The following NGEF variants were observed in gnomAD, a reference collection of about 807,000 sequenced individuals.
NGEF encodes ephexin-1.
Under a neutral mutation model 80.9 loss-of-function variants are expected in NGEF, and 31 were observed. The ratio of observed to expected loss-of-function variants is 0.38; its 90% CI spans 0.29 to 0.52. The LOEUF (loss-of-function observed/expected upper bound fraction) is 0.52. Among genes scored for constraint, NGEF ranks in the 20% least tolerant of loss-of-function variants. The pLI is 0.84. For synonymous variants in NGEF, 371 were observed against 370.2 expected (o/e 1.00, Z -0.03); for missense variants, 709 against 926.2 (o/e 0.77, Z 3.04).
At chr2:232,988,036 C>CCTGT (rs1553558805) in intron 1 of NGEF, among the ~76,000 whole-genome samples, 25,407 of 140,174 alleles carry the variant, frequency 0.18, 3,080 homozygotes, top group East Asian at 0.33. Flanking sequence ...GGGATGGTCT[C>CCTGT]GTGTGTGTGT....
intron 1 of NGEF, among the ~76,000 whole-genome samples, chr2:232,988,036 C>CGTGTGTGTGTGT (rs57143286): frequency 2.1e-4 from 30 of 140,352 alleles, no homozygotes; most frequent in African/African-American, 6.8e-4. Context: ...GGGATGGTCT[C>CGTGTGTGTGTGT]GTGTGTGTGT....
At chr2:232,992,868 T>C (rs936763289) in intron 1 of NGEF, among the ~76,000 whole-genome samples, 2 of 150,776 alleles carry the variant, frequency 1.3e-5, no homozygotes, top group Non-Finnish European at 2.9e-5. Context: ...ACACCTGTAG[T>C]TGCAGCTATT....
intron 11 of NGEF, 36 bp downstream of exon 11, chr2:232,883,945 C>T (rs939370575): frequency 1.3e-6 from 2 of 1,573,798 alleles, no homozygotes; most frequent in Non-Finnish European, 1.7e-6. Context: ...ACTCCTCTAC[C>T]CACCGGAGCG....
At position 232,910,343 on chromosome 2, in the gene NGEF, T is replaced by C. The variant is rs181886538; in HGVS notation, c.828+9941A>G. 2.3e-3 allele frequency among the ~76,000 whole-genome samples: 345 copies of C among 152,144 alleles called. 8 individuals carry two copies. Among genetic ancestry groups the C allele is most frequent in the Non-Finnish European group, 3.4e-4 (23 of 67,996 alleles). ...GAGCGCACAACCTAGATCCCTCGCA[T>C]GTGCAGTTCACAGTAGGGTTCTCAC... On this transcript the variant is annotated intron_variant, in intron 5 of 14. Coordinates refer to ENST00000264051, the MANE Select transcript of NGEF (RefSeq NM_019850.3).
chr2:232,897,309 T>C (rs932216657), intron 5 of NGEF, among the ~76,000 whole-genome samples: 2 of 151,808 alleles, frequency 1.3e-5, no homozygotes, highest in Non-Finnish European at 2.9e-5. Flanking sequence ...CAGTGGGCCC[T>C]GGAGTGGTGG....
rs942073950 is a variant in NGEF, at chr2:232,973,242, G to T, written c.268+1381C>A. On this transcript the variant is annotated intron_variant, in intron 2 of 14. Transcript: ENST00000264051. The stretch of plus-strand genomic sequence containing the variant: ...CAAAGGCAGAGACCCCAGCTTCCTC[G>T]TGTGTGAGAATGTGCTTTTAACTTT... Among the ~76,000 whole-genome samples, 4 of 152,160 alleles carry T rather than the reference G, an allele frequency of 2.6e-5. No individual in the cohort carries two copies. The East Asian group carries it at 7.7e-4, about 29-fold the overall frequency.
intron 3 of NGEF, among the ~76,000 whole-genome samples, chr2:232,933,110 A>AT (rs1693250463): frequency 1.6e-5 from 2 of 127,964 alleles, no homozygotes; most frequent in Non-Finnish European, 3.3e-5. Context: ...ACTCCATCTC[A>AT]AAAATAAATA....
intron 4 of NGEF, among the ~76,000 whole-genome samples, chr2:232,920,899 C>T (rs1194682039): frequency 6.6e-6 from 1 of 152,200 alleles, no homozygotes; most frequent in African/African-American, 2.4e-5. Context: ...GAACCTGATG[C>T]ACCCACCACC....
At chr2:232,924,346 G>A (rs955165086) in intron 4 of NGEF, among the ~76,000 whole-genome samples, 2 of 152,170 alleles carry the variant, frequency 1.3e-5, no homozygotes, top group African/African-American at 2.4e-5. Flanking sequence ...TTGAAGCAGA[G>A]ATAGCCAGCC....
chr2:232,972,321 T>A (rs144956160), intron 2 of NGEF, among the ~76,000 whole-genome samples: 68 of 152,368 alleles, frequency 4.5e-4, no homozygotes, highest in African/African-American at 1.4e-3. Flanking sequence ...TTTATGTTGA[T>A]TATTAACTAC....
At chr2:232,895,999 T>C (rs1413146027) in intron 5 of NGEF, among the ~76,000 whole-genome samples, 3 of 151,702 alleles carry the variant, frequency 2.0e-5, no homozygotes, top group African/African-American at 7.3e-5. Context: ...CTTCCTCCCT[T>C]GTTTACAAAT....
chr2:232,935,821 C>A (rs1238596075), intron 3 of NGEF, among the ~76,000 whole-genome samples: 1 of 145,316 alleles, frequency 6.9e-6, no homozygotes, highest in Non-Finnish European at 1.6e-5. Flanking sequence ...TAGGAAAATG[C>A]ATTGAATTTT....
At position 232,910,350 on chromosome 2, in the gene NGEF, T is replaced by C. The variant is rs149276304; in HGVS notation, c.828+9934A>G. Among the ~76,000 whole-genome samples, 516 of 152,062 alleles carry C rather than the reference T, an allele frequency of 3.4e-3. 3 individuals are homozygous for C. Among genetic ancestry groups the C allele is most frequent in the African/African-American group, 0.012 (497 of 41,460 alleles). ...CAACCTAGATCCCTCGCATGTGCAG[T>C]TCACAGTAGGGTTCTCACTCCTATG... is the stretch of plus-strand genomic sequence containing the variant. On this transcript the variant is annotated intron_variant, in intron 5 of 14. Coordinates refer to ENST00000264051, the MANE Select transcript of NGEF (RefSeq NM_019850.3).
chr2:233,006,736 T>C (rs1285740879), intron 1 of NGEF, among the ~76,000 whole-genome samples: 3 of 152,228 alleles, frequency 2.0e-5, no homozygotes, highest in Non-Finnish European at 4.4e-5. Flanking sequence ...TGAACACTCA[T>C]GGCGATCCTG....
chr2:232,977,852 G>A (rs372129349), intron 1 of NGEF, among the ~76,000 whole-genome samples: 9 of 152,176 alleles, frequency 5.9e-5, no homozygotes, highest in East Asian at 1.9e-4. Context: ...GAGCTGCAGG[G>A]AGGAATGGGA....
intron 2 of NGEF, among the ~76,000 whole-genome samples, chr2:232,971,799 A>C (rs1694190454): frequency 6.6e-6 from 1 of 152,214 alleles, no homozygotes. Flanking sequence ...TCCTTGGCTC[A>C]GCTTGGGGAG....
intron 3 of NGEF, among the ~76,000 whole-genome samples, chr2:232,948,482 A>G (rs530665764): frequency 6.6e-6 from 1 of 152,262 alleles, no homozygotes; most frequent in South Asian, 2.1e-4. Context: ...AAGAATAATG[A>G]TGTCTGCAAT....
intron 5 of NGEF, among the ~76,000 whole-genome samples, chr2:232,914,518 C>G (rs1163041331): frequency 1.3e-5 from 2 of 151,822 alleles, no homozygotes; most frequent in African/African-American, 4.8e-5. Flanking sequence ...GCCTGGCCAT[C>G]ATGGTGAAAC....
intron 9 of NGEF, among the ~76,000 whole-genome samples, chr2:232,887,524 T>C (rs546328070): frequency 1.1e-4 from 17 of 152,176 alleles, no homozygotes; most frequent in African/African-American, 3.9e-4. Flanking sequence ...AGGGCTGGGT[T>C]CGGAGCAAAG....
Sources: allele counts gnomAD v4.1 joint callset (sites outside exome capture counted in the v4.1 genomes callset), GRCh38; gene constraint gnomAD v4.1.1; transcripts MANE v1.5; gene names NCBI Gene and HGNC (gene_info 2026-07-23, HGNC 2026-07-21).